SRGAP3: variants seen among roughly 807,000 people sequenced by gnomAD.
SRGAP3 encodes the protein SLIT-ROBO Rho GTPase-activating protein 3.
A neutral mutation model predicts 121.1 loss-of-function variants in SRGAP3; 39 were observed. The observed-to-expected ratio is 0.32, with a 90% CI of 0.25 to 0.42. SRGAP3 has a LOEUF of 0.42. SRGAP3 is among the 10% of genes least tolerant of loss of function. SRGAP3 has a pLI of 1.00. For missense variants in SRGAP3, 1,213 were observed against 1,470.6 expected (o/e 0.82, Z 2.86); for synonymous variants, 601 against 570.0 (o/e 1.05, Z -0.77).
In SRGAP3 at chr3:9,239,752, C is replaced by G. The variant is rs1239092187; in HGVS notation, c.67+9133G>C. On this transcript the variant is annotated intron_variant, in intron 1 of 21. Coordinates refer to ENST00000383836, the MANE Select transcript of SRGAP3 (RefSeq NM_014850.4). This position sits in a 1 kb window ranked among gnomAD's most constrained non-coding sequence, Gnocchi z 4.0. The stretch of plus-strand genomic sequence containing the variant: ...AAAATCCACATTTCCTAGGTGAACT[C>G]AAAGCACTACATTGATATCACTCAG... Among the ~76,000 whole-genome samples, 1 of 152,196 alleles carries G rather than the reference C, an allele frequency of 6.6e-6. No individual in the cohort carries two copies. The highest frequency in any genetic ancestry group is 6.5e-5 in the Admixed American group (1 of 15,284).
At chr3:9,097,591 C>T (rs570596034) in intron 3 of SRGAP3, among the ~76,000 whole-genome samples, 92 of 152,322 alleles carry the variant, frequency 6.0e-4, no homozygotes, top group Non-Finnish European at 1.0e-3. Flanking sequence ...TTCCGTCTCC[C>T]ACCTTCCCCA....
chr3:9,060,186 C>T (rs774402437), intron 6 of SRGAP3, 45 bp downstream of exon 6: 2 of 1,613,378 alleles, frequency 1.2e-6, no homozygotes, highest in East Asian at 4.5e-5. Context: ...ATGTGCCAGC[C>T]CTGGTGTGGG....
chr3:9,178,187 G>A (rs1338539137), intron 1 of SRGAP3, among the ~76,000 whole-genome samples: 1 of 152,126 alleles, frequency 6.6e-6, no homozygotes, highest in East Asian at 1.9e-4. Context: ...AGGATCACTT[G>A]AGCCTGGGAG....
intron 10 of SRGAP3, 49 bp from the exon 11 acceptor site, chr3:9,038,139 C>A: frequency 6.2e-7 from 1 of 1,610,638 alleles, no homozygotes; most frequent in Middle Eastern, 1.7e-4. Context: ...TCTTTTTAAT[C>A]CAAAGAACAT....
chr3:9,013,263 A>G (rs747949606), intron 17 of SRGAP3, 45 bp downstream of exon 17: 29 of 1,575,030 alleles, frequency 1.8e-5, no homozygotes, highest in African/African-American at 6.8e-5. Flanking sequence ...TTCAATGGCA[A>G]TAACAATGAC....
At chr3:9,045,663 G>A (rs1037391645) in intron 10 of SRGAP3, among the ~76,000 whole-genome samples, 1 of 152,076 alleles carries the variant, frequency 6.6e-6, no homozygotes, top group East Asian at 1.9e-4. Context: ...CAAAGCAAAG[G>A]GCCTCTTTAT....
chr3:9,078,734 A>G (rs2125259569), intron 4 of SRGAP3, among the ~76,000 whole-genome samples: 1 of 152,252 alleles, frequency 6.6e-6, no homozygotes, highest in East Asian at 1.9e-4. Flanking sequence ...CCCCCCAGTG[A>G]CCAGCTGATG....
At chr3:9,168,071 C>G (rs1558953) in intron 1 of SRGAP3, among the ~76,000 whole-genome samples, 93,477 of 152,096 alleles carry the variant, frequency 0.61, 30,157 homozygotes, top group Non-Finnish European at 0.72. Flanking sequence ...TTCTGCAGGG[C>G]AGTAAAAGGA....
At chr3:9,013,277 G>A in intron 17 of SRGAP3, 31 bp downstream of exon 17, 1 of 1,596,188 alleles carries the variant, frequency 6.3e-7, no homozygotes, top group Non-Finnish European at 8.6e-7. Flanking sequence ...CAATGACGAT[G>A]ATAATAATAT....
chr3:9,158,102 C>G (rs1271963957), intron 1 of SRGAP3, among the ~76,000 whole-genome samples: 1 of 152,210 alleles, frequency 6.6e-6, no homozygotes, highest in East Asian at 1.9e-4. Context: ...GCTCCAGGAG[C>G]CTGCTCGGGC....
chr3:9,152,078 C>T (rs1451351980), intron 1 of SRGAP3, among the ~76,000 whole-genome samples: 1 of 152,244 alleles, frequency 6.6e-6, no homozygotes, highest in Non-Finnish European at 1.5e-5. Context: ...GTAGAATGTA[C>T]TCTCCATGAG....
intron 1 of SRGAP3, among the ~76,000 whole-genome samples, chr3:9,342,296 A>G (rs1452601073): frequency 6.6e-6 from 1 of 151,914 alleles, no homozygotes; most frequent in Non-Finnish European, 1.5e-5. Flanking sequence ...GGTTGCAGTG[A>G]GCTGAGATTG....
intron 3 of SRGAP3, among the ~76,000 whole-genome samples, chr3:9,314,549 C>T (rs1955310471): frequency 6.6e-6 from 1 of 152,154 alleles, no homozygotes; most frequent in Non-Finnish European, 1.5e-5. Flanking sequence ...AGAAACAGAG[C>T]AGGGAAAAGT....
At chr3:9,202,206 T>C (rs1952088930) in intron 1 of SRGAP3, among the ~76,000 whole-genome samples, 3 of 152,224 alleles carry the variant, frequency 2.0e-5, no homozygotes. Context: ...TAGAAACAGC[T>C]ATGGCGGGAG....
intron 4 of SRGAP3, 105 bp downstream of exon 4, chr3:9,079,920 A>T (rs1368909551): frequency 7.9e-7 from 1 of 1,259,454 alleles, no homozygotes; most frequent in Non-Finnish European, 1.1e-6. Flanking sequence ...AACGCAGCAA[A>T]AAAGGCCTGG....
intron 3 of SRGAP3, among the ~76,000 whole-genome samples, chr3:9,255,642 A>T (rs891328544): frequency 2.0e-5 from 3 of 152,034 alleles, no homozygotes; most frequent in Non-Finnish European, 2.9e-5. Flanking sequence ...GCACTTTGGG[A>T]TGGAGTCAGT....
rs1941383324 is a variant in SRGAP3, at chr3:8,980,897, A to G, written c.*4622T>C. On this transcript the variant is annotated 3_prime_UTR_variant, in exon 22 of 22. Transcript: ENST00000383836. ...AATCAAACCTATTGCCAAACCATGT[A>G]AACAGTCACACTGCCGGGAACAAGG... is the stretch of plus-strand genomic sequence containing the variant. 4.3e-6 allele frequency: 1 copy of G among 233,368 alleles called. No homozygotes were observed. Among genetic ancestry groups the G allele is most frequent in the African/African-American group, 2.2e-5 (1 of 45,352 alleles). The allele number at this position is 233,368 out of a possible 1,614,324, so 14.5% of individuals were successfully genotyped here. A position where few individuals can be genotyped will look rare whatever the true frequency, so the allele number is the denominator to read the frequency against.
intron 1 of SRGAP3, among the ~76,000 whole-genome samples, chr3:9,234,210 C>G (rs1953323170): frequency 6.6e-6 from 1 of 152,096 alleles, no homozygotes; most frequent in South Asian, 2.1e-4. Flanking sequence ...AAGGAGTAAT[C>G]AACTATAAGA....
chr3:9,127,313 T>C (rs1052993887), intron 1 of SRGAP3, among the ~76,000 whole-genome samples: 4 of 152,126 alleles, frequency 2.6e-5, no homozygotes, highest in Admixed American at 1.3e-4. Context: ...CTCCAGCCTA[T>C]ATGACAAAGC....
Sources: gnomAD v4.1 joint callset for allele counts (sites outside exome capture counted in the v4.1 genomes callset) on GRCh38, gnomAD v4.1.1 for gene constraint, Gnocchi (gnomAD v3.1) non-coding constraint, MANE v1.5 for transcripts, NCBI Gene and HGNC (gene_info 2026-07-23, HGNC 2026-07-21) for gene names.